Variants in YBEY observed in about 807,000 individuals in gnomAD.
YBEY encodes the protein ybeY metalloendoribonuclease.
In YBEY, 15 loss-of-function variants were observed where a neutral mutation model predicts 13.5. The ratio of observed to expected loss-of-function variants is 1.11; its 90% CI spans 0.75 to 1.72. YBEY has a LOEUF of 1.72. Ranked by LOEUF, YBEY falls within the 40% of genes most tolerant of loss-of-function variation. YBEY has a pLI of 0.00. For synonymous variants in YBEY, 101 were observed against 83.1 expected, an observed-to-expected ratio of 1.21 and a Z score of -1.17; for missense variants, 244 against 208.4, an observed-to-expected ratio of 1.17 and a Z score of -1.05.
the YBEY span, among the ~76,000 whole-genome samples, chr21:46,303,644 G>A: frequency 7.5e-6 from 1 of 133,598 alleles, no homozygotes; most frequent in African/African-American, 2.8e-5. Context: ...TTGAGACCAG[G>A]AGCTGACACC....
chr21:46,293,475 C>CTT (rs1569100509), intron 3 of YBEY, among the ~76,000 whole-genome samples: 1 of 37,644 alleles, frequency 2.7e-5, no homozygotes, highest in Admixed American at 2.8e-4. Context: ...ATTCCTCCCG[C>CTT]GGTTAGCCTG....
In YBEY at chr21:46,296,422, AC is replaced by A. The variant is rs201097747; in HGVS notation, c.408+193del. ...CAAATACTTCCAGCTGAATGTGTTC[AC>A]TAAGGAAAGCGGTCTGAGTGCAGAG... On this transcript the variant is annotated intron_variant, in intron 4 of 4. Coordinates refer to ENST00000397701, the MANE Select transcript of YBEY (RefSeq NM_001314025.2). Among the ~76,000 whole-genome samples the A allele has an allele frequency of 6.7e-3, 1,026 of 152,260 alleles. 9 individuals carry two copies. Among genetic ancestry groups the A allele is most frequent in the African/African-American group, 0.024 (988 of 41,544 alleles).
intron 2 of YBEY, among the ~76,000 whole-genome samples, 181 bp from the exon 3 acceptor site, chr21:46,291,153 C>T (rs553891902): frequency 9.0e-5 from 13 of 144,864 alleles, no homozygotes; most frequent in South Asian, 4.3e-4. Context: ...GCCGAGATCG[C>T]GCCATTCCAC....
Position 46,286,904 on chromosome 21 carries a change from T to C in YBEY, c.-10T>C, listed in dbSNP as rs1467220498. 1.9e-6 allele frequency: 3 copies of C among 1,613,814 alleles called. No individual in the cohort carries two copies. In the Admixed American group the frequency reaches 5.0e-5, roughly 27 times the overall value. On this transcript the variant is annotated 5_prime_UTR_variant, in exon 2 of 5. Transcript: ENST00000397701. ...CAAACATTTTTAAAGGGCTGGTTAT[T>C]CTTCCTGAAATGAGTTTGGTGATTA... is the stretch of plus-strand genomic sequence containing the variant.
At chr21:46,302,265 G>A (rs942725144), downstream of YBEY, 5 of 1,424,138 alleles carry the variant, frequency 3.5e-6, no homozygotes, top group Admixed American at 1.1e-4. Context: ...GGATGGCAGG[G>A]TCTAAGCATC....
At chr21:46,304,593 T>A in the YBEY span, among the ~76,000 whole-genome samples, 8 of 152,280 alleles carry the variant, frequency 5.3e-5, no homozygotes, top group South Asian at 2.1e-4. Context: ...CCCACCACGC[T>A]GGCAAAAATG....
the YBEY span, chr21:46,311,562 G>C: frequency 6.2e-7 from 1 of 1,605,372 alleles, no homozygotes; most frequent in Non-Finnish European, 8.5e-7. Context: ...CAGGAGGCTG[G>C]GGGACCTAGG....
intron 1 of YBEY, chr21:46,286,640 C>T (rs1255841013): frequency 1.3e-5 from 2 of 152,942 alleles, no homozygotes; most frequent in African/African-American, 2.7e-5. Context: ...GCCCCCTTTT[C>T]TCTGGGAACC....
downstream of YBEY, among the ~76,000 whole-genome samples, chr21:46,298,890 A>G (rs1198891883): frequency 1.3e-5 from 2 of 151,084 alleles, no homozygotes; most frequent in Admixed American, 1.3e-4. Flanking sequence ...ACGCCCAGCT[A>G]ATTTTTGTTT....
At chr21:46,307,622 G>A in the YBEY span, among the ~76,000 whole-genome samples, 1 of 152,206 alleles carries the variant, frequency 6.6e-6, no homozygotes, top group Non-Finnish European at 1.5e-5. Context: ...AATAGGAAAG[G>A]TATCCCCTGG....
chr21:46,286,822 C>A (rs533530598), intron 1 of YBEY, 48 bp from the exon 2 acceptor site: 2 of 1,125,548 alleles, frequency 1.8e-6, no homozygotes, highest in African/African-American at 1.6e-5. Context: ...TTTTACAGAC[C>A]GTATTATCAC....
At chr21:46,305,707 A>G in the YBEY span, among the ~76,000 whole-genome samples, 2 of 152,150 alleles carry the variant, frequency 1.3e-5, no homozygotes, top group African/African-American at 4.8e-5. Flanking sequence ...TGGGAGGCTG[A>G]GGTGGGCGGA....
At chr21:46,306,874 C>G in the YBEY span, among the ~76,000 whole-genome samples, 3 of 151,838 alleles carry the variant, frequency 2.0e-5, no homozygotes, top group African/African-American at 7.3e-5. Flanking sequence ...AGGTGTGAGC[C>G]GCTGTGCCCG....
At chr21:46,302,977 C>T in the YBEY span, among the ~76,000 whole-genome samples, 2 of 151,430 alleles carry the variant, frequency 1.3e-5, no homozygotes, top group South Asian at 2.1e-4. Flanking sequence ...GTGCGGGTCC[C>T]CGGGGCGCGC....
chr21:46,303,730 TATATATATATATA>T, the YBEY span, among the ~76,000 whole-genome samples: 319 of 28,734 alleles, frequency 0.011, 19 homozygotes, highest in Middle Eastern at 0.019. Flanking sequence ...TATATATATA[TATATATATATATA>T]TATTTTTTTT....
downstream of YBEY, chr21:46,300,483 C>T (rs540473804): frequency 3.2e-4 from 80 of 251,764 alleles, no homozygotes; most frequent in Non-Finnish European, 5.3e-4. Flanking sequence ...GGAAAGTCAC[C>T]TTGAAAAGAG....
intron 4 of YBEY, 122 bp from the exon 5 acceptor site, chr21:46,297,417 G>C (rs1375253233): frequency 6.1e-6 from 6 of 977,980 alleles, no homozygotes; most frequent in Middle Eastern, 3.6e-4. Flanking sequence ...GCCTGAGCTA[G>C]AGCCGCGCGG....
chr21:46,288,787 G>A (rs1046429195), intron 2 of YBEY, among the ~76,000 whole-genome samples: 1 of 152,208 alleles, frequency 6.6e-6, no homozygotes, highest in Non-Finnish European at 1.5e-5. Context: ...GGAAGCTAAG[G>A]TGGGAGGATC....
chr21:46,312,102 ACCATCTACCT>A, the YBEY span, among the ~76,000 whole-genome samples: 2 of 151,980 alleles, frequency 1.3e-5, no homozygotes, highest in African/African-American at 4.8e-5. Flanking sequence ...CAACCAGCCA[ACCATCTACCT>A]ACACATCCAT....
Sources: gnomAD v4.1 joint callset for allele counts (sites outside exome capture counted in the v4.1 genomes callset) on GRCh38, gnomAD v4.1.1 for gene constraint, MANE v1.5 for transcripts, NCBI Gene and HGNC (gene_info 2026-07-23, HGNC 2026-07-21) for gene names.